Variants in FHIP1A observed in about 807,000 individuals in gnomAD.
FHIP1A encodes the protein FHF complex subunit HOOK-interacting protein 1A.
Under a neutral mutation model 88.6 loss-of-function variants are expected in FHIP1A, and 61 were observed. That is an observed-to-expected ratio of 0.69 (90% confidence interval 0.56 to 0.85). FHIP1A has a LOEUF of 0.85. Among genes scored for constraint, FHIP1A ranks in the 40% least tolerant of loss-of-function variants. FHIP1A has a pLI of 0.00. For synonymous variants in FHIP1A, 478 were observed against 496.0 expected (o/e 0.96, Z 0.48); for missense variants, 1,154 against 1,273.5 (o/e 0.91, Z 1.43).
intron 7 of FHIP1A, among the ~76,000 whole-genome samples, chr4:151,590,275 A>G (rs1031408371): frequency 6.6e-5 from 10 of 152,160 alleles, no homozygotes; most frequent in East Asian, 5.8e-4. Flanking sequence ...CTTTTCCTCA[A>G]TGACCTATTG....
chr4:151,591,313 C>T (rs1374162619), intron 7 of FHIP1A, among the ~76,000 whole-genome samples: 2 of 152,126 alleles, frequency 1.3e-5, no homozygotes, highest in African/African-American at 4.8e-5. Context: ...ATCCCATTTC[C>T]TGTATTTCCC....
intron 2 of FHIP1A, among the ~76,000 whole-genome samples, chr4:151,466,562 A>G (rs1729321684): frequency 6.6e-6 from 1 of 152,170 alleles, no homozygotes; most frequent in African/African-American, 2.4e-5. Context: ...GAGGCATCAC[A>G]CTACCTGACC....
At chr4:151,495,007 A>G (rs1473783821) in intron 3 of FHIP1A, among the ~76,000 whole-genome samples, 5 of 152,174 alleles carry the variant, frequency 3.3e-5, no homozygotes, top group African/African-American at 2.4e-5. Context: ...TGGAAATGCT[A>G]CAGTTTTTTA....
At chr4:151,586,610 G>T (rs967868524) in intron 5 of FHIP1A, 31 bp from the exon 6 acceptor site, 5 of 1,519,176 alleles carry the variant, frequency 3.3e-6, no homozygotes, top group Non-Finnish European at 4.5e-6. Context: ...CTTTGGAAAA[G>T]CATTTATTTT....
At position 151,629,815 on chromosome 4, in the gene FHIP1A, C is replaced by T. The variant is rs1285377410; in HGVS notation, c.1092C>T (p.His364=). 117 of 1,551,314 alleles carry T rather than the reference C, an allele frequency of 7.5e-5. No homozygotes were observed. The highest frequency in any genetic ancestry group is 9.6e-5 in the Non-Finnish European group (110 of 1,146,828). Residue 364 remains histidine (H), a synonymous_variant, in exon 8 of 14, where the codon CAC becomes CAT. Transcript: ENST00000435205. ...TCCGTTTTATCCTATTGCACCAGCA[C>T]GAGAATGTCCACATCCTAGACACTC... ...IFLRFILLHQ[H]ENVHILDTLT...
intron 4 of FHIP1A, among the ~76,000 whole-genome samples, chr4:151,572,293 G>T (rs1733629759): frequency 6.6e-6 from 1 of 152,188 alleles, no homozygotes. Context: ...TGGTAAGTTT[G>T]ATTTTTGCTG....
chr4:151,489,830 C>T (rs1399107861), intron 3 of FHIP1A, among the ~76,000 whole-genome samples: 1 of 152,120 alleles, frequency 6.6e-6, no homozygotes, highest in Admixed American at 6.5e-5. Context: ...CAAGGAGAGT[C>T]TGAGTTCAGA....
chr4:151,487,407 AG>A (rs1325949867), intron 3 of FHIP1A, among the ~76,000 whole-genome samples: 1 of 151,724 alleles, frequency 6.6e-6, no homozygotes, highest in Non-Finnish European at 1.5e-5. Context: ...TTCTTCCCTC[AG>A]GGCCTGCTTT....
At chr4:151,596,096 G>T (rs1560789999) in intron 7 of FHIP1A, among the ~76,000 whole-genome samples, 2 of 152,170 alleles carry the variant, frequency 1.3e-5, no homozygotes, top group East Asian at 1.9e-4. Context: ...TTGCCCATTA[G>T]TTGATGCAGT....
rs1397929830 is a variant in FHIP1A at position 151,452,281 on chromosome 4, A to G, written c.-355-2420A>G. On this transcript the variant is annotated intron_variant, in intron 1 of 13. Transcript: ENST00000435205. ...CCTTCTGTCAATGCTCATTTGAAAA[A>G]TGCTCTGGTTTTTAGTGCTCTGTAT... Among the ~76,000 whole-genome samples the G allele has an allele frequency of 2.6e-5, 4 of 152,356 alleles. No individual in the cohort carries two copies. In the South Asian group the frequency reaches 6.2e-4, roughly 24 times the overall value.
chr4:151,415,502 C>T (rs1732857321), intron 1 of FHIP1A, among the ~76,000 whole-genome samples: 1 of 152,020 alleles, frequency 6.6e-6, no homozygotes, highest in Non-Finnish European at 1.5e-5. Flanking sequence ...ATTTAAACAG[C>T]CTTTTGTTGG....
At position 151,577,485 on chromosome 4, in the gene FHIP1A, GA is replaced by G; in HGVS notation, c.143del (p.Asn48ThrfsTer21). ...KILEKHDPLK[N>X]TQAKYGSIPP... ...TCTTGGAGAAGCACGACCCCTTGAA[GA>G]ACACCCAGGCAAAATATGGGTCTAT... On this transcript the variant is annotated frameshift_variant, in exon 5 of 14. Coordinates refer to ENST00000435205, the MANE Select transcript of FHIP1A (RefSeq NM_001109977.3). LOFTEE classifies it high-confidence loss of function. The G allele has an allele frequency of 1.3e-6, 2 of 1,545,842 alleles. No homozygotes were observed. The highest frequency in any genetic ancestry group is 1.8e-6 in the Non-Finnish European group (2 of 1,142,768).
chr4:151,493,567 A>G (rs113236289), intron 3 of FHIP1A, among the ~76,000 whole-genome samples: 1 of 152,192 alleles, frequency 6.6e-6, no homozygotes. Flanking sequence ...AGAAGCAAAA[A>G]TCCTTAACAA....
intron 3 of FHIP1A, among the ~76,000 whole-genome samples, chr4:151,518,656 T>TCCCC (rs1731340726): frequency 3.8e-5 from 1 of 26,354 alleles, no homozygotes; most frequent in Non-Finnish European, 7.4e-5. Context: ...CCTCCCTCCC[T>TCCCC]CCCTCCCTTC....
chr4:151,457,012 A>G (rs952299966), intron 2 of FHIP1A, among the ~76,000 whole-genome samples: 1 of 152,142 alleles, frequency 6.6e-6, no homozygotes, highest in Non-Finnish European at 1.5e-5. Context: ...GATCTTTTCA[A>G]TGGATAGACT....
intron 2 of FHIP1A, among the ~76,000 whole-genome samples, chr4:151,455,682 T>G (rs1050643776): frequency 6.6e-6 from 1 of 152,198 alleles, no homozygotes; most frequent in Non-Finnish European, 1.5e-5. Context: ...GTGGTCCTGA[T>G]CTTGGTCAGT....
Position 151,629,750 on chromosome 4 carries a change from C to T in FHIP1A, c.1027C>T (p.Leu343=), listed in dbSNP as rs1736081582. ...CACAACTGCATATCTGGACCTTTTC[C>T]TGCGTAGCATCTCCGAGCCAGCACT... is the stretch of plus-strand genomic sequence containing the variant. ...MTTTAYLDLF[L]RSISEPALLE... Residue 343 remains leucine, a synonymous_variant, in exon 8 of 14, where the codon CTG becomes TTG. Coordinates refer to ENST00000435205, the MANE Select transcript of FHIP1A (RefSeq NM_001109977.3). The T allele has an allele frequency of 6.4e-7, 1 of 1,551,286 alleles. No individual in the cohort carries two copies. Among genetic ancestry groups the T allele is most frequent in the South Asian group, 1.2e-5 (1 of 84,050 alleles).
intron 1 of FHIP1A, among the ~76,000 whole-genome samples, chr4:151,450,664 A>G (rs1007512710): frequency 2.6e-5 from 4 of 152,158 alleles, no homozygotes; most frequent in African/African-American, 7.2e-5. Context: ...TGTTGCAACA[A>G]ATGTCTTTAA....
At chr4:151,662,403 A>G in intron 13 of FHIP1A, 98 bp from the exon 14 acceptor site, 1 of 1,302,874 alleles carries the variant, frequency 7.7e-7, no homozygotes, top group Non-Finnish European at 1.0e-6. Context: ...ATAACTAGAT[A>G]CTCTCCAGCA....
Sources: gnomAD v4.1 joint callset for allele counts (sites outside exome capture counted in the v4.1 genomes callset) on GRCh38, gnomAD v4.1.1 for gene constraint, MANE v1.5 for transcripts, NCBI Gene and HGNC (gene_info 2026-07-23, HGNC 2026-07-21) for gene names.